SLC39A8: variants seen among roughly 807,000 people sequenced by gnomAD.
SLC39A8 encodes the protein metal cation symporter ZIP8.
Under a neutral mutation model 40.4 loss-of-function variants are expected in SLC39A8, and 15 were observed. The observed-to-expected ratio is 0.37, with a 90% CI of 0.25 to 0.57. The LOEUF (loss-of-function observed/expected upper bound fraction) is 0.57. Among genes scored for constraint, SLC39A8 ranks in the 20% least tolerant of loss-of-function variants. SLC39A8 has a pLI of 0.75. For missense variants in SLC39A8, 472 were observed against 558.8 expected, an observed-to-expected ratio of 0.84 and a Z score of 1.57; for synonymous variants, 223 against 221.6, an observed-to-expected ratio of 1.01 and a Z score of -0.06.
intron 6 of SLC39A8, among the ~76,000 whole-genome samples, chr4:102,282,090 G>T (rs1732908377): frequency 6.6e-6 from 1 of 152,130 alleles, no homozygotes; most frequent in East Asian, 1.9e-4. Context: ...GAAAGGTTAG[G>T]TAAATTAACC....
chr4:102,329,397 C>T (rs1179879388), intron 2 of SLC39A8, among the ~76,000 whole-genome samples: 3 of 151,958 alleles, frequency 2.0e-5, no homozygotes, highest in Non-Finnish European at 4.4e-5. Context: ...CCACGGCAGG[C>T]GGATCACCTG....
intron 2 of SLC39A8, among the ~76,000 whole-genome samples, chr4:102,323,083 C>G (rs746611083): frequency 6.6e-6 from 1 of 152,156 alleles, no homozygotes; most frequent in Admixed American, 6.5e-5. Context: ...ACCCATCCTT[C>G]CCCCACCCCA....
At chr4:102,313,603 T>C (rs1734537350) in intron 3 of SLC39A8, among the ~76,000 whole-genome samples, 2 of 152,108 alleles carry the variant, frequency 1.3e-5, no homozygotes, top group South Asian at 4.1e-4. Flanking sequence ...TATTTTTATT[T>C]TTTTGAGATG....
intron 6 of SLC39A8, among the ~76,000 whole-genome samples, chr4:102,282,309 C>T (rs199599286): frequency 3.3e-5 from 5 of 152,198 alleles, no homozygotes; most frequent in South Asian, 2.1e-4. Context: ...TCTCTCATGA[C>T]ATGTTCACAA....
At chr4:102,338,550 C>T (rs1735779230) in intron 2 of SLC39A8, among the ~76,000 whole-genome samples, 1 of 152,108 alleles carries the variant, frequency 6.6e-6, no homozygotes, top group Non-Finnish European at 1.5e-5. Context: ...TCGTAGCCTC[C>T]ACAGCTCTAG....
At position 102,344,821 on chromosome 4, in the gene SLC39A8, G is replaced by C; in HGVS notation, c.-159C>G. The C allele has an allele frequency of 2.3e-6, 3 of 1,321,864 alleles. No homozygotes were observed. The South Asian group carries it at 6.3e-5, about 28-fold the overall frequency. 81.9% of individuals were successfully genotyped at this position (1,321,864 alleles called of 1,614,324 possible). ...ACGCCCCTGGTTCTCCGACGCCTTC[G>C]AAAGAACAGCAGCTCGCGACCTGCG... On this transcript the variant is annotated 5_prime_UTR_variant, in exon 2 of 9. Coordinates refer to ENST00000356736, the MANE Select transcript of SLC39A8 (RefSeq NM_001135146.2).
downstream of SLC39A8, among the ~76,000 whole-genome samples, chr4:102,261,138 ATC>A (rs201708602): frequency 2.0e-5 from 1 of 49,626 alleles, no homozygotes; most frequent in African/African-American, 2.8e-4. Flanking sequence ...GTGTTGGAGA[ATC>A]TTTATTTATT....
chr4:102,320,257 GTA>G (rs1293708862), intron 2 of SLC39A8, among the ~76,000 whole-genome samples: 2 of 129,482 alleles, frequency 1.5e-5, no homozygotes, highest in Non-Finnish European at 3.1e-5. Context: ...ATATATATGA[GTA>G]TATATATGAG....
chr4:102,257,190 T>C (rs1300304773), downstream of SLC39A8, among the ~76,000 whole-genome samples: 1 of 151,954 alleles, frequency 6.6e-6, no homozygotes, highest in Non-Finnish European at 1.5e-5. Flanking sequence ...AGTCTTGCTC[T>C]GTTACCCATG....
rs551110570 is a variant in SLC39A8, at chr4:102,324,851, C to T, written c.220-9021G>A. On this transcript the variant is annotated intron_variant, in intron 2 of 8. Coordinates refer to ENST00000356736, the MANE Select transcript of SLC39A8 (RefSeq NM_001135146.2). ...GAATTTAACAATTGGGAGACCACTTCTGACCCTTGAAACAAGTGAACCGTC... is the reference window on the plus strand; with the variant it reads ...GAATTTAACAATTGGGAGACCACTTTTGACCCTTGAAACAAGTGAACCGTC... 2.0e-5 allele frequency among the ~76,000 whole-genome samples: 3 copies of T among 152,250 alleles called. No individual in the cohort carries two copies. In the East Asian group the frequency reaches 5.8e-4, roughly 29 times the overall value.
chr4:102,324,586 C>T (rs773083655), intron 2 of SLC39A8, among the ~76,000 whole-genome samples: 4 of 152,160 alleles, frequency 2.6e-5, no homozygotes, highest in Non-Finnish European at 5.9e-5. Context: ...GTGAGAGATT[C>T]ATTCATTTAT....
intron 2 of SLC39A8, among the ~76,000 whole-genome samples, chr4:102,328,385 T>C (rs536455699): frequency 1.3e-5 from 2 of 152,238 alleles, no homozygotes; most frequent in South Asian, 4.1e-4. Flanking sequence ...ATGGAATTGC[T>C]GGTTTACCTT....
rs745816619 is a variant in SLC39A8 at position 102,307,456 on chromosome 4, T to C, written c.532A>G (p.Ile178Val). The C allele has an allele frequency of 2.1e-5, 34 of 1,612,988 alleles. No individual in the cohort carries two copies. Among genetic ancestry groups the C allele is most frequent in the African/African-American group, 8.0e-5 (6 of 74,790 alleles). ...CTTACCTCTGGAATAAGTTGGAAAATTGCATTTGAAAAAAGAGTCCCAATA... is the reference window on the plus strand; with the variant it reads ...CTTACCTCTGGAATAAGTTGGAAAACTGCATTTGAAAAAAGAGTCCCAATA... ...LAIGTLFSNA[I>V]FQLIPEAFGF... The change falls in exon 4 of 9, where the codon ATT (isoleucine) becomes GTT (valine). Residue 178 changes from isoleucine to valine, a missense_variant. By Grantham distance (29) the Ile-to-Val change is conservative. Around this residue, in one of 4 missense-constraint regions of SLC39A8, gnomAD observed 239 missense variants for 317.9 expected, o/e 0.75. Coordinates refer to ENST00000356736, the MANE Select transcript of SLC39A8 (RefSeq NM_001135146.2).
At chr4:102,327,264 A>C (rs940909212) in intron 2 of SLC39A8, among the ~76,000 whole-genome samples, 6 of 152,180 alleles carry the variant, frequency 3.9e-5, no homozygotes, top group African/African-American at 1.4e-4. Flanking sequence ...CTGTCTCAAA[A>C]AAATTGTACA....
intron 6 of SLC39A8, among the ~76,000 whole-genome samples, chr4:102,272,297 G>A (rs1732396650): frequency 6.6e-6 from 1 of 152,006 alleles, no homozygotes; most frequent in Admixed American, 6.6e-5. Flanking sequence ...AAATTAGCTG[G>A]GAGTGGTGGT....
intron 11 of SLC39A8, among the ~76,000 whole-genome samples, chr4:102,254,806 T>C (rs540765543): frequency 6.6e-5 from 10 of 152,360 alleles, no homozygotes; most frequent in African/African-American, 2.2e-4. Context: ...CATATGGTTC[T>C]ATACATAGAA....
At chr4:102,342,139 T>C (rs1397270666) in intron 2 of SLC39A8, among the ~76,000 whole-genome samples, 1 of 152,210 alleles carries the variant, frequency 6.6e-6, no homozygotes, top group Non-Finnish European at 1.5e-5. Context: ...AGCAAATCAA[T>C]GGATTCTTTT....
In SLC39A8 at chr4:102,341,363, T is replaced by C. The variant is rs1735932197; in HGVS notation, c.219+3081A>G. 2.0e-5 allele frequency among the ~76,000 whole-genome samples: 3 copies of C among 152,206 alleles called. No individual in the cohort carries two copies. In the South Asian group the frequency reaches 6.2e-4, roughly 32 times the overall value. ...ACATAAGAACTTGAAAATACAGTGT[T>C]TGAAAGAGGAAATGAGGAAAAGGAA... is the stretch of plus-strand genomic sequence containing the variant. On this transcript the variant is annotated intron_variant, in intron 2 of 8. Coordinates refer to ENST00000356736, the MANE Select transcript of SLC39A8 (RefSeq NM_001135146.2).
exon 12 of SLC39A8, chr4:102,252,832 G>T (rs996281396): frequency 6.6e-6 from 1 of 151,762 alleles, no homozygotes; most frequent in Non-Finnish European, 1.5e-5. Context: ...GTGGAGGCTG[G>T]AAGTCCAAGA....
Sources: allele counts gnomAD v4.1 joint callset (sites outside exome capture counted in the v4.1 genomes callset), GRCh38; gene constraint gnomAD v4.1.1; regional missense constraint gnomAD v4.1.1; transcripts MANE v1.5; gene names NCBI Gene and HGNC (gene_info 2026-07-23, HGNC 2026-07-21).